GLDN: variants seen among roughly 807,000 people sequenced by gnomAD.
The protein encoded by GLDN is gliomedin, also known as collomin.
A neutral mutation model predicts 56.5 loss-of-function variants in GLDN; 47 were observed. The observed-to-expected ratio is 0.83, with a 90% CI of 0.66 to 1.06. The LOEUF (loss-of-function observed/expected upper bound fraction) is 1.06. Ranked by LOEUF, GLDN falls within the 50% of genes least tolerant of loss-of-function variation. The pLI is 0.00. For missense variants in GLDN, 782 were observed against 714.3 expected (o/e 1.09, Z -1.08); for synonymous variants, 332 against 278.8 (o/e 1.19, Z -1.90).
At chr15:51,403,062 A>T (rs576905174) in intron 9 of GLDN, among the ~76,000 whole-genome samples, 1 of 152,320 alleles carries the variant, frequency 6.6e-6, no homozygotes, top group East Asian at 1.9e-4. Flanking sequence ...TGCGGTGGAT[A>T]ACCCCCATAG....
intron 4 of GLDN, among the ~76,000 whole-genome samples, chr15:51,392,840 T>G (rs1224002792): frequency 6.6e-6 from 1 of 151,022 alleles, no homozygotes. Context: ...TATAGATTCC[T>G]TGAGATTTTC....
chr15:51,366,499 A>G (rs1415507858), intron 1 of GLDN, among the ~76,000 whole-genome samples: 1 of 152,242 alleles, frequency 6.6e-6, no homozygotes, highest in African/African-American at 2.4e-5. Flanking sequence ...GCATTAAGGC[A>G]CTTATCCGTT....
intron 2 of GLDN, among the ~76,000 whole-genome samples, chr15:51,380,451 A>G (rs567886733): frequency 1.3e-5 from 2 of 152,322 alleles, no homozygotes; most frequent in South Asian, 4.1e-4. Context: ...CCCAGTTGGC[A>G]CACATCATGG....
chr15:51,366,179 A>C (rs533274671), intron 1 of GLDN, among the ~76,000 whole-genome samples: 21 of 152,318 alleles, frequency 1.4e-4, no homozygotes, highest in African/African-American at 4.8e-4. Flanking sequence ...GGGGAGAAGA[A>C]CAATCCAAAC....
At chr15:51,373,221 G>A (rs560615229) in intron 1 of GLDN, among the ~76,000 whole-genome samples, 1 of 152,292 alleles carries the variant, frequency 6.6e-6, no homozygotes, top group East Asian at 1.9e-4. Context: ...AGATAATACA[G>A]TCATTCCTCA....
At chr15:51,394,410 C>G (rs2038080926) in intron 4 of GLDN, among the ~76,000 whole-genome samples, 1 of 152,126 alleles carries the variant, frequency 6.6e-6, no homozygotes, top group Admixed American at 6.5e-5. Context: ...GTCAGGAGTT[C>G]AAGACCAGTC....
At chr15:51,371,060 G>A (rs1304983279) in intron 1 of GLDN, among the ~76,000 whole-genome samples, 1 of 152,028 alleles carries the variant, frequency 6.6e-6, no homozygotes, top group Non-Finnish European at 1.5e-5. Flanking sequence ...TCTCTAGGGG[G>A]AAGAATATCA....
intron 1 of GLDN, among the ~76,000 whole-genome samples, chr15:51,346,704 C>A (rs1026353832): frequency 2.6e-5 from 4 of 152,240 alleles, no homozygotes; most frequent in African/African-American, 9.6e-5. Context: ...CATGAAACAG[C>A]AGCAAAACTT....
chr15:51,367,531 G>C (rs952644035), intron 1 of GLDN: 1 of 152,156 alleles, frequency 6.6e-6, no homozygotes, highest in African/African-American at 2.4e-5. Context: ...GAGGCGGAGC[G>C]GGAAGGAGCA....
At chr15:51,402,845 A>AC (rs529295653) in intron 9 of GLDN, among the ~76,000 whole-genome samples, 4 of 151,768 alleles carry the variant, frequency 2.6e-5, no homozygotes, top group Admixed American at 6.6e-5. Flanking sequence ...TCTACATGAC[A>AC]CCCCCATCAT....
intron 4 of GLDN, among the ~76,000 whole-genome samples, chr15:51,386,886 T>G (rs2037907453): frequency 1.3e-5 from 2 of 152,082 alleles, no homozygotes; most frequent in African/African-American, 4.8e-5. Flanking sequence ...CGCACTCAAC[T>G]CAGATCTAAA....
At chr15:51,354,939 G>A (rs999117194) in intron 1 of GLDN, among the ~76,000 whole-genome samples, 3 of 152,184 alleles carry the variant, frequency 2.0e-5, no homozygotes, top group Admixed American at 1.3e-4. Flanking sequence ...AACAATTCAC[G>A]TATGGCTAAG....
At position 51,404,485 on chromosome 15, in the gene GLDN, G is replaced by T; in HGVS notation, c.1387G>T (p.Val463Phe). Residue 463 changes from valine (V) to phenylalanine (F), a missense_variant, in exon 10 of 10, where the codon GTC becomes TTC. By Grantham distance (50) the Val-to-Phe change is conservative (BLOSUM62 -1). Transcript: ENST00000335449. ...GAGGACATTCTCAGTGGTGCAACAC[G>T]TCAATACCACGTACCCTAAATCCAA... ...DERTFSVVQH[V>F]NTTYPKSKAG... 6.2e-7 allele frequency: 1 copy of T among 1,614,116 alleles called. No homozygotes were observed. The highest frequency in any genetic ancestry group is 8.5e-7 in the Non-Finnish European group (1 of 1,180,032).
chr15:51,390,992 A>C (rs1444194318), intron 4 of GLDN, among the ~76,000 whole-genome samples: 3 of 152,210 alleles, frequency 2.0e-5, no homozygotes, highest in Non-Finnish European at 4.4e-5. Context: ...TCACTAGGTG[A>C]TATTTAATTT....
At chr15:51,351,136 T>C (rs72729214) in intron 1 of GLDN, 42,182 of 289,834 alleles carry the variant, frequency 0.15, 4,557 homozygotes, top group Middle Eastern at 0.21. Context: ...TCTTCTTATC[T>C]CCTCCCAGTT....
intron 1 of GLDN, among the ~76,000 whole-genome samples, chr15:51,350,038 C>T (rs866395009): frequency 3.9e-5 from 6 of 152,252 alleles, no homozygotes; most frequent in Middle Eastern, 3.4e-3. Flanking sequence ...CCACCGCACC[C>T]GGCCTAGGGT....
intron 7 of GLDN, 30 bp from the exon 8 acceptor site, chr15:51,400,343 A>C (rs765274993): frequency 6.2e-7 from 1 of 1,614,162 alleles, no homozygotes; most frequent in Non-Finnish European, 8.5e-7. Context: ...ATTGGCAGGC[A>C]AGTGACTTTC....
intron 4 of GLDN, among the ~76,000 whole-genome samples, chr15:51,393,163 T>C (rs1438193913): frequency 6.6e-6 from 1 of 152,226 alleles, no homozygotes; most frequent in Non-Finnish European, 1.5e-5. Context: ...CTTTTCTATA[T>C]CATTGAGATG....
At chr15:51,403,966 G>C (rs2038311898) in intron 9 of GLDN, among the ~76,000 whole-genome samples, 1 of 152,210 alleles carries the variant, frequency 6.6e-6, no homozygotes, top group African/African-American at 2.4e-5. Flanking sequence ...CATTAGTGAA[G>C]TGGGGGTCAC....
Sources: allele counts gnomAD v4.1 joint callset (sites outside exome capture counted in the v4.1 genomes callset), GRCh38; gene constraint gnomAD v4.1.1; transcripts MANE v1.5; gene names NCBI Gene and HGNC (gene_info 2026-07-23, HGNC 2026-07-21).